The following ZNF257 variants were observed in gnomAD, a reference collection of about 807,000 sequenced individuals.
The protein encoded by ZNF257 is bone marrow zinc finger 4.
A neutral mutation model predicts 11.9 loss-of-function variants in ZNF257; 12 were observed. That is an observed-to-expected ratio of 1.01 (90% CI 0.65 to 1.63). The LOEUF is 1.63. Ranked by LOEUF, ZNF257 falls within the 40% of genes most tolerant of loss-of-function variation. The probability of loss-of-function intolerance (pLI) is 0.00; values close to 1 mark genes in which losing one functional copy is unlikely to be tolerated. For missense variants in ZNF257, 580 were observed against 665.5 expected (o/e 0.87, Z 1.41); for synonymous variants, 183 against 222.7 (o/e 0.82, Z 1.59).
At chr19:22,055,784 G>A (rs963860172) in intron 1 of ZNF257, among the ~76,000 whole-genome samples, 2 of 151,948 alleles carry the variant, frequency 1.3e-5, no homozygotes, top group African/African-American at 2.4e-5. Flanking sequence ...AATTGTTTTC[G>A]GCCGGGCGCG....
intron 3 of ZNF257, among the ~76,000 whole-genome samples, chr19:22,078,042 G>A (rs910145088): frequency 3.3e-5 from 5 of 150,984 alleles, no homozygotes; most frequent in East Asian, 2.0e-4. Context: ...GTTTGAGACC[G>A]GACTGGCCAA....
chr19:22,085,935 T>G (rs545610574), intron 3 of ZNF257, among the ~76,000 whole-genome samples: 1 of 152,132 alleles, frequency 6.6e-6, no homozygotes, highest in Non-Finnish European at 1.5e-5. Context: ...TCAGGCTTTT[T>G]TAATTATTAG....
intron 1 of ZNF257, among the ~76,000 whole-genome samples, chr19:22,055,380 GT>G (rs1231606512): frequency 2.0e-5 from 3 of 151,890 alleles, no homozygotes; most frequent in Non-Finnish European, 4.4e-5. Context: ...TAATTTTTGT[GT>G]TTTTAGTAGA....
rs2022153488 is a variant in ZNF257 at position 22,073,473 on chromosome 19, T to A, written c.135T>A (p.Ile45=). ...ENYRNLVFLG[I]AVSKPDLITC... ...TTACTTATTTTTAAAAAACAGGTAT[T>A]GCTGTCTCTAAGCCAGACCTGATCA... Residue 45 remains isoleucine, a synonymous_variant, in exon 3 of 4, where the codon ATT becomes ATA. Transcript: ENST00000594947. 1 of 1,606,454 alleles carries A rather than the reference T, an allele frequency of 6.2e-7. No homozygotes were observed. Among genetic ancestry groups the A allele is most frequent in the Non-Finnish European group, 8.5e-7 (1 of 1,177,470 alleles).
chr19:22,071,600 G>C (rs1349376502), intron 1 of ZNF257, among the ~76,000 whole-genome samples: 2 of 151,946 alleles, frequency 1.3e-5, no homozygotes, highest in African/African-American at 4.8e-5. Context: ...TCCCTAATGA[G>C]TTTGTTTTAA....
intron 3 of ZNF257, chr19:22,087,426 A>T: frequency 2.2e-6 from 1 of 448,384 alleles, no homozygotes; most frequent in East Asian, 3.6e-5. Context: ...CACTTGCTAC[A>T]CTTGTTACCT....
chr19:22,072,397 A>G (rs1415329861), intron 1 of ZNF257, among the ~76,000 whole-genome samples: 1 of 152,150 alleles, frequency 6.6e-6, no homozygotes, highest in Non-Finnish European at 1.5e-5. Flanking sequence ...TAGGAAAAAC[A>G]CAGGCTCTTT....
intron 1 of ZNF257, among the ~76,000 whole-genome samples, chr19:22,067,708 G>A (rs7250852): frequency 0.24 from 35,865 of 151,634 alleles, 5,801 homozygotes; most frequent in African/African-American, 0.46. Flanking sequence ...GGTGGTGGGC[G>A]CCTGTAATCC....
At chr19:22,069,420 C>T (rs1265011447) in intron 1 of ZNF257, among the ~76,000 whole-genome samples, 1 of 152,050 alleles carries the variant, frequency 6.6e-6, no homozygotes, top group Non-Finnish European at 1.5e-5. Context: ...CGAGACCAGC[C>T]TGGCCAACAT....
intron 3 of ZNF257, among the ~76,000 whole-genome samples, chr19:22,082,935 GC>G (rs1261349855): frequency 6.6e-6 from 1 of 152,042 alleles, no homozygotes; most frequent in African/African-American, 2.4e-5. Flanking sequence ...TACAGCTAGT[GC>G]CAATATAATT....
chr19:22,074,247 A>G (rs1287644956), intron 3 of ZNF257: 1 of 151,978 alleles, frequency 6.6e-6, no homozygotes, highest in Non-Finnish European at 1.5e-5. Flanking sequence ...AAACATTTTC[A>G]AATTTATTTT....
intron 1 of ZNF257, among the ~76,000 whole-genome samples, chr19:22,056,049 C>T (rs1327190916): frequency 3.7e-5 from 4 of 107,540 alleles, no homozygotes; most frequent in Non-Finnish European, 7.2e-5. Flanking sequence ...AGCGAGACTC[C>T]GTCTCAAAAA....
intron 1 of ZNF257, among the ~76,000 whole-genome samples, chr19:22,067,961 C>T (rs1403425503): frequency 6.6e-6 from 1 of 150,838 alleles, no homozygotes; most frequent in African/African-American, 2.4e-5. Flanking sequence ...AATAATGTGA[C>T]ACTGAACACT....
intron 1 of ZNF257, among the ~76,000 whole-genome samples, chr19:22,054,090 T>TA (rs1230827356): frequency 3.3e-5 from 5 of 151,156 alleles, no homozygotes; most frequent in Admixed American, 3.3e-4. Flanking sequence ...TTTTTTTTTT[T>TA]AAGAAGGAGT....
At position 22,088,013 on chromosome 19, in the gene ZNF257, A is replaced by G; in HGVS notation, c.263A>G (p.Glu88Gly). Residue 88 changes from glutamate (E) to glycine (G), a missense_variant, in exon 4 of 4, where the codon GAG (glutamate) becomes GGG (glycine). Physicochemically the swap from Glu to Gly is moderately conservative, Grantham distance 98. Coordinates refer to ENST00000594947, the MANE Select transcript of ZNF257 (RefSeq NM_033468.4). ...CSHIAEDLCP[E>G]RDIKYFFQKV... ...CATATTGCTGAAGACCTTTGCCCAG[A>G]GCGAGACATAAAATATTTTTTCCAA... 1 of 1,551,598 alleles carries G rather than the reference A, an allele frequency of 6.4e-7. No individual in the cohort carries two copies. The highest frequency in any genetic ancestry group is 8.7e-7 in the Non-Finnish European group (1 of 1,147,158).
intron 3 of ZNF257, among the ~76,000 whole-genome samples, chr19:22,078,980 C>T (rs994314181): frequency 3.3e-5 from 5 of 151,804 alleles, no homozygotes; most frequent in Non-Finnish European, 5.9e-5. Context: ...TTAGTAGAGA[C>T]GGGGTTTCTC....
At position 22,090,769 on chromosome 19, in the gene ZNF257, C is replaced by G. The variant is rs186473073; in HGVS notation, c.*1327C>G. ...AAGTAAATAATGATGTAAGTCAACT[C>G]TCAAATTACTTCATGCTGTTTCTTC... On this transcript the variant is annotated 3_prime_UTR_variant, in exon 4 of 4. Transcript: ENST00000594947. The G allele has an allele frequency of 6.6e-6, 1 of 152,218 alleles. No homozygotes were observed. Among genetic ancestry groups the G allele is most frequent in the East Asian group, 1.9e-4 (1 of 5,186 alleles). The allele number at this position is 152,218 out of a possible 1,614,324, so 9.4% of individuals were successfully genotyped here. A position where few individuals can be genotyped will look rare whatever the true frequency, so the allele number is the denominator to read the frequency against.
intron 1 of ZNF257, among the ~76,000 whole-genome samples, chr19:22,071,888 A>C (rs1401667197): frequency 6.6e-6 from 1 of 152,162 alleles, no homozygotes; most frequent in Non-Finnish European, 1.5e-5. Flanking sequence ...AGCAGGATTA[A>C]GGAAGTGTTT....
Position 22,088,319 on chromosome 19 carries a change from G to A in ZNF257, c.569G>A (p.Arg190Gln), listed in dbSNP as rs115518618. 853 of 1,613,414 alleles carry A rather than the reference G, an allele frequency of 5.3e-4. 8 individuals carry two copies. In the African/African-American group the frequency reaches 8.2e-3, roughly 16 times the overall value. The change falls in exon 4 of 4, where the codon CGA (arginine) becomes CAA (glutamine). Residue 190 changes from arginine (R) to glutamine (Q), a missense_variant. By Grantham distance (43) the Arg-to-Gln change is conservative. Coordinates refer to ENST00000594947, the MANE Select transcript of ZNF257 (RefSeq NM_033468.4). ...KSFCMLSQLTRHKRIHIRENS... is the reference protein window; with the variant it reads ...KSFCMLSQLTQHKRIHIRENS... ...TTTTGCATGCTTTCACAACTAACTC[G>A]ACATAAGAGAATTCATATTAGAGAG...
Sources: allele counts gnomAD v4.1 joint callset (sites outside exome capture counted in the v4.1 genomes callset), GRCh38; gene constraint gnomAD v4.1.1; transcripts MANE v1.5; gene names NCBI Gene and HGNC (gene_info 2026-07-23, HGNC 2026-07-21).